CCDC158: variants seen among roughly 807,000 people sequenced by gnomAD.
CCDC158 encodes coiled-coil domain-containing protein 158.
Under a neutral mutation model 138.6 loss-of-function variants are expected in CCDC158, and 116 were observed. That is an observed-to-expected ratio of 0.84 (90% CI 0.72 to 0.98). The LOEUF is 0.98. CCDC158 is among the 50% of genes least tolerant of loss of function. The probability of loss-of-function intolerance (pLI) is 0.00; values close to 1 mark genes in which losing one functional copy is unlikely to be tolerated. For synonymous variants in CCDC158, 436 were observed against 442.4 expected, an observed-to-expected ratio of 0.99 and a Z score of 0.18; for missense variants, 1,265 against 1,306.1, an observed-to-expected ratio of 0.97 and a Z score of 0.48.
chr4:76,347,775 C>T (rs1364076047), intron 18 of CCDC158, among the ~76,000 whole-genome samples: 2 of 152,060 alleles, frequency 1.3e-5, no homozygotes, highest in Admixed American at 6.6e-5. Context: ...TTTTCACATA[C>T]AGTGTCCAGA....
chr4:76,353,509 A>G (rs891075232), intron 15 of CCDC158, among the ~76,000 whole-genome samples: 1 of 152,200 alleles, frequency 6.6e-6, no homozygotes, highest in Non-Finnish European at 1.5e-5. Context: ...AGTCTTAATA[A>G]ATCTTTGATA....
At chr4:76,408,075 A>C (rs924828434) in intron 2 of CCDC158, among the ~76,000 whole-genome samples, 18 of 151,530 alleles carry the variant, frequency 1.2e-4, no homozygotes, top group African/African-American at 2.9e-4. Context: ...TTAATTAAAA[A>C]ATTTTATTAT....
upstream of CCDC158, among the ~76,000 whole-genome samples, chr4:76,421,315 C>G (rs1372623248): frequency 6.6e-6 from 1 of 152,100 alleles, no homozygotes; most frequent in Non-Finnish European, 1.5e-5. Context: ...ACTCCGCCCG[C>G]CGGACGCCGT....
upstream of CCDC158, among the ~76,000 whole-genome samples, chr4:76,421,342 C>A (rs1211995637): frequency 1.3e-5 from 2 of 152,080 alleles, no homozygotes; most frequent in East Asian, 1.9e-4. Flanking sequence ...GGCATCCGAG[C>A]GTCGAAGTCC....
chr4:76,384,241 T>C lies in CCDC158; in HGVS notation c.573A>G (p.Ser191=). 1.2e-6 allele frequency: 2 copies of C among 1,614,160 alleles called. No individual in the cohort carries two copies. The highest frequency in any genetic ancestry group is 1.7e-6 in the Non-Finnish European group (2 of 1,180,000). Reference sequence around the variant, plus strand: ...AGGCTTCTTCAAAGTCAACTAGGATTGACCGGATTTCTTGAAGCACTCCCT... The same window carrying C: ...AGGCTTCTTCAAAGTCAACTAGGATCGACCGGATTTCTTGAAGCACTCCCT... ...SHEGVLQEIR[S]ILVDFEEASG... Residue 191 remains serine (S), a synonymous_variant, in exon 6 of 25, where the codon TCA becomes TCG. Coordinates refer to ENST00000682701, the MANE Select transcript of CCDC158 (RefSeq NM_001394954.1).
intron 5 of CCDC158, 51 bp from the exon 6 acceptor site, chr4:76,384,466 C>T (rs1726596197): frequency 8.3e-6 from 13 of 1,561,204 alleles, no homozygotes; most frequent in Non-Finnish European, 1.1e-5. Flanking sequence ...CTCATATTCA[C>T]ACAAGTAGTT....
At chr4:76,328,566 GA>G (rs1232517549) in intron 22 of CCDC158, among the ~76,000 whole-genome samples, 4 of 152,220 alleles carry the variant, frequency 2.6e-5, no homozygotes, top group African/African-American at 9.6e-5. Flanking sequence ...TAACAGGCAT[GA>G]GCCATCACAC....
chr4:76,392,624 G>C (rs1302918581), intron 4 of CCDC158, among the ~76,000 whole-genome samples: 4 of 151,930 alleles, frequency 2.6e-5, no homozygotes, highest in Admixed American at 1.3e-4. Flanking sequence ...ACATAGTACT[G>C]GAAGTCCTAG....
chr4:76,408,407 A>G (rs1476709893), intron 2 of CCDC158, among the ~76,000 whole-genome samples: 1 of 151,894 alleles, frequency 6.6e-6, no homozygotes, highest in Non-Finnish European at 1.5e-5. Flanking sequence ...TCATTGTTCA[A>G]TTCCCACCTA....
chr4:76,340,341 C>T (rs1464035313), intron 18 of CCDC158, among the ~76,000 whole-genome samples: 1 of 152,144 alleles, frequency 6.6e-6, no homozygotes, highest in Non-Finnish European at 1.5e-5. Flanking sequence ...CACAAAAGGC[C>T]CCCAAACTGG....
Position 76,351,795 on chromosome 4 carries a change from T to C in CCDC158, c.2463A>G (p.Ala821=), listed in dbSNP as rs1335025938. 2 of 1,610,942 alleles carry C rather than the reference T, an allele frequency of 1.2e-6. No homozygotes were observed. Among genetic ancestry groups the C allele is most frequent in the South Asian group, 1.1e-5 (1 of 90,948 alleles). The part of the protein sequence containing the change: ...VALDKASLQF[A]ECQDIIQRQE... ...GACGCTGTATTATATCTTGACATTC[T>C]GCAAACTGCAAAGATGCCTACAAAT... The change falls in exon 17 of 25, where the codon GCA becomes GCG. Residue 821 remains alanine (A), a synonymous_variant. Transcript: ENST00000682701.
intron 16 of CCDC158, chr4:76,352,520 T>G (rs1723149005): frequency 6.6e-6 from 1 of 152,220 alleles, no homozygotes; most frequent in Non-Finnish European, 1.5e-5. Context: ...CCCAGATTAT[T>G]GTATCTAACC....
chr4:76,385,912 C>A (rs899343750), intron 4 of CCDC158, among the ~76,000 whole-genome samples: 1 of 152,124 alleles, frequency 6.6e-6, no homozygotes, highest in African/African-American at 2.4e-5. Context: ...GGAACAAGAA[C>A]CAGACAGACA....
At chr4:76,315,095 T>A (rs1719249855) in intron 24 of CCDC158, among the ~76,000 whole-genome samples, 1 of 152,178 alleles carries the variant, frequency 6.6e-6, no homozygotes, top group Non-Finnish European at 1.5e-5. Flanking sequence ...TAGCAGGGCA[T>A]GGTGGGAGCA....
intron 9 of CCDC158, chr4:76,375,597 T>C (rs928344020): frequency 5.7e-6 from 4 of 702,914 alleles, no homozygotes; most frequent in African/African-American, 5.2e-5. Context: ...CATCAGGAGA[T>C]ATTTTTGTTG....
intron 3 of CCDC158, among the ~76,000 whole-genome samples, chr4:76,398,603 G>T (rs183072927): frequency 1.7e-4 from 26 of 150,462 alleles, no homozygotes; most frequent in Middle Eastern, 3.5e-3. Flanking sequence ...GAAAGCAGAG[G>T]TGGCAGTGAG....
At chr4:76,374,269 G>T (rs373209348) in intron 9 of CCDC158, among the ~76,000 whole-genome samples, 2 of 152,168 alleles carry the variant, frequency 1.3e-5, no homozygotes, top group African/African-American at 4.8e-5. Flanking sequence ...TAAGAAAAAT[G>T]AATGAACAAT....
rs548884157 is a variant in CCDC158 at position 76,349,105 on chromosome 4, T to C, written c.2664+1891A>G. On this transcript the variant is annotated intron_variant, in intron 18 of 24. Coordinates refer to ENST00000682701, the MANE Select transcript of CCDC158 (RefSeq NM_001394954.1). ...AAAACAGCAACAACAAGATTTACAA[T>C]TGACTTATCAGTGGAAGTAATGGAG... Among the ~76,000 whole-genome samples the C allele has an allele frequency of 3.9e-4, 60 of 152,304 alleles. 2 individuals carry two copies. The highest frequency in any genetic ancestry group is 3.5e-3 in the Admixed American group (54 of 15,302).
chr4:76,325,693 C>A (rs906073486), intron 23 of CCDC158, among the ~76,000 whole-genome samples, 164 bp downstream of exon 23: 2 of 152,132 alleles, frequency 1.3e-5, no homozygotes, highest in Non-Finnish European at 1.5e-5. Context: ...GCATGGTACA[C>A]AATAGCTGTT....
Sources: allele counts gnomAD v4.1 joint callset (sites outside exome capture counted in the v4.1 genomes callset), GRCh38; gene constraint gnomAD v4.1.1; transcripts MANE v1.5; gene names NCBI Gene and HGNC (gene_info 2026-07-23, HGNC 2026-07-21).